Variants in GABPB1 observed in about 807,000 individuals in gnomAD.
GABPB1 encodes the protein GA-binding protein subunit beta-1.
A neutral mutation model predicts 45.9 loss-of-function variants in GABPB1; 15 were observed. That is an observed-to-expected ratio of 0.33 (90% CI 0.22 to 0.50). The LOEUF (loss-of-function observed/expected upper bound fraction) is 0.50. GABPB1 is among the 20% of genes least tolerant of loss of function. The pLI, the probability that GABPB1 is intolerant of heterozygous loss-of-function variation, is 0.98. For synonymous variants in GABPB1, 143 were observed against 154.4 expected (o/e 0.93, Z 0.55); for missense variants, 252 against 457.5 (o/e 0.55, Z 4.10).
At chr15:50,336,729 T>C (rs1240638639) in intron 1 of GABPB1, among the ~76,000 whole-genome samples, 2 of 151,808 alleles carry the variant, frequency 1.3e-5, no homozygotes, top group Non-Finnish European at 2.9e-5. Context: ...AAGAAAAAGT[T>C]AGGTATGTCA....
rs1043430828 is a variant in GABPB1 at position 50,277,351 on chromosome 15, G to A, written c.*1281C>T. 6 of 151,824 alleles carry A rather than the reference G, an allele frequency of 4.0e-5. No individual in the cohort carries two copies. Among genetic ancestry groups the A allele is most frequent in the African/African-American group, 1.5e-4 (6 of 41,298 alleles). 9.4% of individuals were successfully genotyped at this position (151,824 alleles called of 1,614,324 possible). On this transcript the variant is annotated 3_prime_UTR_variant, in exon 9 of 9. Coordinates refer to ENST00000380877, the MANE Select transcript of GABPB1 (RefSeq NM_016654.5). Reference sequence around the variant, plus strand: ...TTTTATACAGTATAGATAACCTAGAGGGATTTCAGGGTTAAACAGTTCATA... The same window carrying A: ...TTTTATACAGTATAGATAACCTAGAAGGATTTCAGGGTTAAACAGTTCATA...
chr15:50,308,537 G>A (rs894534727), intron 2 of GABPB1, among the ~76,000 whole-genome samples: 2 of 152,168 alleles, frequency 1.3e-5, no homozygotes, highest in African/African-American at 4.8e-5. Context: ...CACTGAAGGT[G>A]CAGCTCTTTG....
intron 2 of GABPB1, among the ~76,000 whole-genome samples, chr15:50,304,700 G>C (rs945766862): frequency 1.5e-4 from 22 of 143,932 alleles, no homozygotes; most frequent in African/African-American, 5.6e-4. Context: ...GACACAGCGA[G>C]ATTTTGGTCT....
At chr15:50,349,898 A>C (rs1169286933) in intron 1 of GABPB1, 1 of 152,228 alleles carries the variant, frequency 6.6e-6, no homozygotes, top group African/African-American at 2.4e-5. Flanking sequence ...ATCACCTGTA[A>C]AACTACACTC....
chr15:50,298,603 C>T (rs776554242), intron 6 of GABPB1, among the ~76,000 whole-genome samples: 1 of 152,092 alleles, frequency 6.6e-6, no homozygotes, highest in Non-Finnish European at 1.5e-5. Flanking sequence ...AATATAAAGG[C>T]TTGGATTCAA....
chr15:50,354,225 CCT>C, intron 1 of GABPB1: 1 of 346,898 alleles, frequency 2.9e-6, no homozygotes, highest in Non-Finnish European at 5.6e-6. Context: ...CAACTTCTTC[CCT>C]GAGGCAGTGC....
At chr15:50,293,268 T>A (rs943870250) in intron 6 of GABPB1, among the ~76,000 whole-genome samples, 1 of 152,140 alleles carries the variant, frequency 6.6e-6, no homozygotes, top group Non-Finnish European at 1.5e-5. Context: ...GCCATAAATA[T>A]AGGAACTGCT....
chr15:50,343,512 T>C (rs2048457580), intron 1 of GABPB1, among the ~76,000 whole-genome samples: 1 of 151,996 alleles, frequency 6.6e-6, no homozygotes, highest in Non-Finnish European at 1.5e-5. Context: ...CCACCTAAGA[T>C]AGCTACCACA....
At chr15:50,348,407 C>T (rs1352341650) in intron 1 of GABPB1, among the ~76,000 whole-genome samples, 2 of 152,154 alleles carry the variant, frequency 1.3e-5, no homozygotes, top group South Asian at 2.1e-4. Context: ...GCACACACCA[C>T]GTCTGGCTAA....
At chr15:50,350,896 C>T (rs2048794024) in intron 1 of GABPB1, 1 of 152,196 alleles carries the variant, frequency 6.6e-6, no homozygotes, top group Non-Finnish European at 1.5e-5. Context: ...ACTCCAAATC[C>T]TTAAAAGTGG....
rs527381028 is a variant in GABPB1 at position 50,317,628 on chromosome 15, G to A, written c.1-7830C>T. 6.6e-5 allele frequency among the ~76,000 whole-genome samples: 10 copies of A among 151,376 alleles called. No individual in the cohort carries two copies. The East Asian group carries it at 1.8e-3, about 27-fold the overall frequency. ...TTTAATGCACCACATTAGATATTGA[G>A]GCTGGGCGCGGTGGCTCACGCCTGT... On this transcript the variant is annotated intron_variant, in intron 1 of 8. Transcript: ENST00000380877.
chr15:50,343,815 G>A (rs1480125145), intron 1 of GABPB1, among the ~76,000 whole-genome samples: 1 of 152,136 alleles, frequency 6.6e-6, no homozygotes, highest in South Asian at 2.1e-4. Flanking sequence ...GGGATTACAG[G>A]CATGAGCCAC....
intron 1 of GABPB1, among the ~76,000 whole-genome samples, chr15:50,332,602 T>A (rs1017530499): frequency 3.3e-5 from 5 of 151,756 alleles, no homozygotes; most frequent in African/African-American, 1.2e-4. Flanking sequence ...ATGGGTTAAA[T>A]AATGTGATTG....
rs148463349 is a variant in GABPB1, at chr15:50,334,914, G to T, written c.-1+20071C>A. Among the ~76,000 whole-genome samples the T allele has an allele frequency of 1.4e-3, 211 of 151,948 alleles. 3 individuals are homozygous for T. The highest frequency in any genetic ancestry group is 5.0e-3 in the African/African-American group (205 of 41,408). On this transcript the variant is annotated intron_variant, in intron 1 of 8. Coordinates refer to ENST00000380877, the MANE Select transcript of GABPB1 (RefSeq NM_016654.5). ...TATTATATGATGTTTATCTTTTTCT[G>T]CTGTCTGTTGTTTCTACTGGTTCAT...
intron 1 of GABPB1, among the ~76,000 whole-genome samples, chr15:50,326,094 G>A (rs62022573): frequency 0.65 from 98,463 of 150,868 alleles, 33,454 homozygotes; most frequent in African/African-American, 0.83. Flanking sequence ...TTTAGTAGAG[G>A]CAGCGTTTCA....
chr15:50,285,009 G>A (rs2046106123), intron 8 of GABPB1, among the ~76,000 whole-genome samples: 1 of 152,008 alleles, frequency 6.6e-6, no homozygotes, highest in South Asian at 2.1e-4. Context: ...TTTGTGGTGT[G>A]GTGAAAGATG....
intron 8 of GABPB1, among the ~76,000 whole-genome samples, chr15:50,282,948 A>C (rs576849276): frequency 2.0e-5 from 3 of 152,232 alleles, no homozygotes; most frequent in Non-Finnish European, 4.4e-5. Context: ...CCAGCTACTT[A>C]GGAGACTGAG....
At chr15:50,299,326 G>T (rs1403378554) in intron 6 of GABPB1, among the ~76,000 whole-genome samples, 1 of 152,154 alleles carries the variant, frequency 6.6e-6, no homozygotes, top group African/African-American at 2.4e-5. Flanking sequence ...AAGTATTTTG[G>T]TTAAGTATAA....
At position 50,278,799 on chromosome 15, in the gene GABPB1, A is replaced by G; in HGVS notation, c.1000-15T>C. 6.7e-7 allele frequency: 1 copy of G among 1,493,450 alleles called. No individual in the cohort carries two copies. The highest frequency in any genetic ancestry group is 8.8e-7 in the Non-Finnish European group (1 of 1,131,154). 92.5% of individuals were successfully genotyped at this position (1,493,450 alleles called of 1,614,324 possible). A position where few individuals can be genotyped will look rare whatever the true frequency, so the allele number is the denominator to read the frequency against. On this transcript the variant is annotated splice_polypyrimidine_tract_variant and intron_variant, in intron 8 of 8. Transcript: ENST00000380877. Reference sequence around the variant, plus strand: ...GCTTCTCTCTCCTAATTAAAAGAAGAGGGTTTTTTTTTTAATTTTTGCAAA... The same window carrying G: ...GCTTCTCTCTCCTAATTAAAAGAAGGGGGTTTTTTTTTTAATTTTTGCAAA...
Sources: allele counts gnomAD v4.1 joint callset (sites outside exome capture counted in the v4.1 genomes callset), GRCh38; gene constraint gnomAD v4.1.1; transcripts MANE v1.5; gene names NCBI Gene and HGNC (gene_info 2026-07-23, HGNC 2026-07-21).